The following JAZF1 variants were observed in gnomAD, a reference collection of about 807,000 sequenced individuals.
JAZF1 encodes JAZF zinc finger 1.
Under a neutral mutation model 26.4 loss-of-function variants are expected in JAZF1, and 8 were observed. The observed-to-expected ratio is 0.30, with a 90% CI of 0.18 to 0.55. JAZF1 has a LOEUF of 0.55. Ranked by LOEUF, JAZF1 falls within the 20% of genes least tolerant of loss-of-function variation. The probability of loss-of-function intolerance (pLI) is 0.94; values close to 1 mark genes in which losing one functional copy is unlikely to be tolerated. For missense variants in JAZF1, 199 were observed against 322.0 expected, an observed-to-expected ratio of 0.62 and a Z score of 2.92; for synonymous variants, 126 against 122.3, an observed-to-expected ratio of 1.03 and a Z score of -0.20.
At chr7:27,839,209 T>G (rs1488665282) in intron 4 of JAZF1, among the ~76,000 whole-genome samples, 1 of 152,170 alleles carries the variant, frequency 6.6e-6, no homozygotes, top group African/African-American at 2.4e-5. Flanking sequence ...TACAGGTCAT[T>G]ACTTGGCTCC....
intron 1 of JAZF1, among the ~76,000 whole-genome samples, chr7:28,013,682 G>A (rs79729015): frequency 0.011 from 1,682 of 152,182 alleles, 34 homozygotes; most frequent in African/African-American, 0.039. Context: ...CTGATGAGGT[G>A]GTCAAGGATA....
chr7:28,063,062 T>C (rs1313004406), intron 1 of JAZF1, among the ~76,000 whole-genome samples: 1 of 152,220 alleles, frequency 6.6e-6, no homozygotes. Flanking sequence ...GCTTATATCA[T>C]ATGAAAAAAT....
chr7:28,135,028 C>T (rs1255710325), intron 1 of JAZF1, among the ~76,000 whole-genome samples: 1 of 152,170 alleles, frequency 6.6e-6, no homozygotes, highest in Non-Finnish European at 1.5e-5. Context: ...ATGACCTATC[C>T]TGTTTGCAGT....
intron 3 of JAZF1, among the ~76,000 whole-genome samples, chr7:27,845,771 C>T (rs556222512): frequency 3.3e-5 from 5 of 151,500 alleles, no homozygotes; most frequent in African/African-American, 1.2e-4. Context: ...CCCACAGTCA[C>T]ACAGCGGTCT....
chr7:28,052,177 T>C (rs2128380354), intron 1 of JAZF1, among the ~76,000 whole-genome samples: 1 of 152,358 alleles, frequency 6.6e-6, no homozygotes, highest in African/African-American at 2.4e-5. Flanking sequence ...ACATTGTAAA[T>C]AACCTGGGTA....
At chr7:28,055,291 T>A (rs1232829015) in intron 1 of JAZF1, among the ~76,000 whole-genome samples, 1 of 152,102 alleles carries the variant, frequency 6.6e-6, no homozygotes, top group Non-Finnish European at 1.5e-5. Flanking sequence ...CAAGTCATAT[T>A]CCAGGGTAAA....
intron 2 of JAZF1, among the ~76,000 whole-genome samples, chr7:27,907,100 C>T (rs1784271486): frequency 6.6e-6 from 1 of 152,178 alleles, no homozygotes; most frequent in Admixed American, 6.5e-5. Context: ...CAGCTGGGAA[C>T]ACAGCCTGGT....
chr7:28,137,956 G>C (rs181099368), intron 1 of JAZF1, among the ~76,000 whole-genome samples: 56 of 152,284 alleles, frequency 3.7e-4, no homozygotes, highest in African/African-American at 1.3e-3. Context: ...CAGGTTAAGT[G>C]CCTTGCCCCA....
chr7:28,105,585 C>T (rs1380519211), intron 1 of JAZF1, among the ~76,000 whole-genome samples: 2 of 152,186 alleles, frequency 1.3e-5, no homozygotes, highest in Admixed American at 6.5e-5. Flanking sequence ...CCTAAGGCTC[C>T]TTTAGAAAGA....
chr7:28,172,283 T>C (rs1034863432), intron 1 of JAZF1, among the ~76,000 whole-genome samples: 1 of 152,244 alleles, frequency 6.6e-6, no homozygotes, highest in Non-Finnish European at 1.5e-5. Context: ...TAGTTCTTTA[T>C]TGGCAATGAC....
At chr7:28,091,920 C>G (rs113404264) in intron 1 of JAZF1, among the ~76,000 whole-genome samples, 4,700 of 152,140 alleles carry the variant, frequency 0.031, 116 homozygotes, top group Non-Finnish European at 0.046. Context: ...GTAAAATCAA[C>G]TTGGCAATAA....
intron 2 of JAZF1, among the ~76,000 whole-genome samples, chr7:27,968,034 T>G (rs1727732145): frequency 6.6e-6 from 1 of 152,238 alleles, no homozygotes; most frequent in South Asian, 2.1e-4. Flanking sequence ...TCATAATCTC[T>G]CTCTTTATAG....
chr7:28,138,719 T>C (rs1782921231), intron 1 of JAZF1, among the ~76,000 whole-genome samples: 1 of 152,196 alleles, frequency 6.6e-6, no homozygotes. Context: ...AGTGTTACAC[T>C]TGCAAAGACT....
intron 1 of JAZF1, among the ~76,000 whole-genome samples, chr7:28,160,644 C>CT (rs1372493149): frequency 6.6e-6 from 1 of 151,634 alleles, no homozygotes; most frequent in African/African-American, 2.4e-5. Context: ...CCAAAACCAT[C>CT]TCATCAGAAG....
At chr7:27,878,362 A>C (rs1417726253) in intron 3 of JAZF1, among the ~76,000 whole-genome samples, 1 of 135,800 alleles carries the variant, frequency 7.4e-6, no homozygotes, top group East Asian at 2.2e-4. Context: ...ATTACAACTC[A>C]GAAAACATCT....
At chr7:28,006,849 T>C (rs940073057) in intron 1 of JAZF1, among the ~76,000 whole-genome samples, 1 of 152,236 alleles carries the variant, frequency 6.6e-6, no homozygotes, top group Non-Finnish European at 1.5e-5. Flanking sequence ...CAGGTGGCCT[T>C]TCCTTTGTAT....
In JAZF1 at chr7:28,092,290, C is replaced by CCAAAAAAAAAAAAAAAAA. The variant is rs1784310777; in HGVS notation, c.115+88172_115+88173insTTTTTTTTTTTTTTTTTG. ...AACATCCCATTTCAGGGACAAAAGG[C>CCAAAAAAAAAAAAAAAAA]AAAAAAAAAAAAAAAAAAAAAAAAA... On this transcript the variant is annotated intron_variant, in intron 1 of 4. Transcript: ENST00000283928. Among the ~76,000 whole-genome samples the CCAAAAAAAAAAAAAAAAA allele has an allele frequency of 7.8e-4, 10 of 12,802 alleles. 1 individual carries two copies. Among genetic ancestry groups the CCAAAAAAAAAAAAAAAAA allele is most frequent in the African/African-American group, 2.2e-3 (10 of 4,646 alleles). The allele number at this position is 12,802 out of a possible 152,430, so 8.4% of individuals were successfully genotyped here. A position where few individuals can be genotyped will look rare whatever the true frequency, so the allele number is the denominator to read the frequency against.
chr7:27,979,368 T>TA (rs1785535679), intron 2 of JAZF1, among the ~76,000 whole-genome samples: 1 of 8,338 alleles, frequency 1.2e-4, no homozygotes, highest in Non-Finnish European at 2.7e-4. Context: ...TACACTACAT[T>TA]TTTTTTTTTT....
At chr7:28,170,866 G>A (rs1783457743) in intron 1 of JAZF1, among the ~76,000 whole-genome samples, 1 of 152,174 alleles carries the variant, frequency 6.6e-6, no homozygotes, top group African/African-American at 2.4e-5. Flanking sequence ...AGCCGGCCCT[G>A]GCTACCCCGG....
Sources: allele counts gnomAD v4.1 joint callset (sites outside exome capture counted in the v4.1 genomes callset), GRCh38; gene constraint gnomAD v4.1.1; transcripts MANE v1.5; gene names NCBI Gene and HGNC (gene_info 2026-07-23, HGNC 2026-07-21).